The following HMGN3 variants were observed in gnomAD, a reference collection of about 807,000 sequenced individuals.
The protein encoded by HMGN3 is high mobility group nucleosomal binding domain 3.
A neutral mutation model predicts 18.8 loss-of-function variants in HMGN3; 6 were observed. The ratio of observed to expected loss-of-function variants is 0.32; its 90% CI spans 0.18 to 0.63. HMGN3 has a LOEUF of 0.63. Among genes scored for constraint, HMGN3 ranks in the 30% least tolerant of loss-of-function variants. The pLI is 0.79. For synonymous variants in HMGN3, 40 were observed against 36.5 expected (o/e 1.10, Z -0.35); for missense variants, 107 against 114.2 (o/e 0.94, Z 0.29).
intron 1 of HMGN3, among the ~76,000 whole-genome samples, chr6:79,215,294 A>T (rs1176094789): frequency 6.6e-6 from 1 of 152,232 alleles, no homozygotes; most frequent in Non-Finnish European, 1.5e-5. Context: ...ACCCTAAGCG[A>T]CTTTCATTTA....
rs767087498 is a variant in HMGN3, at chr6:79,214,965, T to C, written c.66+7A>G. On this transcript the variant is annotated splice_region_variant and intron_variant, in intron 2 of 5. Transcript: ENST00000344726. ...AATTAAATATAGGATGTCAAAGATA[T>C]ACTTACCTCCTGTTTAGTTACTTTG... The C allele has an allele frequency of 4.3e-5, 61 of 1,426,012 alleles. No individual in the cohort carries two copies. Among genetic ancestry groups the C allele is most frequent in the Non-Finnish European group, 5.5e-5 (56 of 1,025,464 alleles). 88.3% of individuals were successfully genotyped at this position (1,426,012 alleles called of 1,614,324 possible).
At chr6:79,202,216 G>A (rs575940997) in intron 5 of HMGN3, 60 bp downstream of exon 5, 1 of 1,612,578 alleles carries the variant, frequency 6.2e-7, no homozygotes, top group East Asian at 2.2e-5. Flanking sequence ...CCGGCTGAAG[G>A]ATTGAGAAAT....
chr6:79,221,770 G>A (rs1290945737), intron 1 of HMGN3, among the ~76,000 whole-genome samples: 2 of 152,086 alleles, frequency 1.3e-5, no homozygotes, highest in Non-Finnish European at 2.9e-5. Context: ...GAAGTTTAAC[G>A]CTACTGCACT....
At chr6:79,230,201 A>G (rs190260397) in intron 1 of HMGN3, among the ~76,000 whole-genome samples, 30 of 152,348 alleles carry the variant, frequency 2.0e-4, no homozygotes, top group Admixed American at 1.6e-3. Context: ...TACATATTGT[A>G]TCATTTCTTT....
intron 1 of HMGN3, among the ~76,000 whole-genome samples, chr6:79,223,096 AG>A (rs1257543324): frequency 6.6e-6 from 1 of 152,200 alleles, no homozygotes; most frequent in Non-Finnish European, 1.5e-5. Context: ...AAGGAAATAT[AG>A]GCCAGGCACA....
intron 1 of HMGN3, among the ~76,000 whole-genome samples, chr6:79,223,365 G>T (rs1777400628): frequency 6.6e-6 from 1 of 152,166 alleles, no homozygotes; most frequent in African/African-American, 2.4e-5. Flanking sequence ...CAAAAAATTA[G>T]CTGGGCCGGG....
At chr6:79,226,621 A>G (rs1464808715) in intron 1 of HMGN3, among the ~76,000 whole-genome samples, 1 of 152,236 alleles carries the variant, frequency 6.6e-6, no homozygotes, top group Non-Finnish European at 1.5e-5. Context: ...CAGGTCTGGT[A>G]CACCCAGGCA....
intron 1 of HMGN3, among the ~76,000 whole-genome samples, chr6:79,219,236 G>A (rs1777151066): frequency 6.6e-6 from 1 of 152,080 alleles, no homozygotes; most frequent in African/African-American, 2.4e-5. Flanking sequence ...CAGAGTTAAG[G>A]CAGATTACCT....
intron 1 of HMGN3, among the ~76,000 whole-genome samples, chr6:79,226,476 G>A (rs1456308563): frequency 1.3e-5 from 2 of 152,166 alleles, no homozygotes; most frequent in Non-Finnish European, 2.9e-5. Flanking sequence ...GCTGTGAGAT[G>A]AAATTGCTTC....
At chr6:79,228,491 T>C (rs1048712942) in intron 1 of HMGN3, among the ~76,000 whole-genome samples, 3 of 152,222 alleles carry the variant, frequency 2.0e-5, no homozygotes, top group Admixed American at 1.3e-4. Flanking sequence ...GGAAACTCAA[T>C]ATTGCTAAGA....
At chr6:79,234,570 GT>G in exon 1 of HMGN3, 1 of 1,611,954 alleles carries the variant, frequency 6.2e-7, no homozygotes, top group Non-Finnish European at 8.5e-7. Flanking sequence ...TAATGACTAT[GT>G]CGGTGAAGCA....
intron 1 of HMGN3, among the ~76,000 whole-genome samples, chr6:79,220,969 TA>T (rs1156615254): frequency 2.0e-5 from 3 of 152,164 alleles, no homozygotes; most frequent in Non-Finnish European, 4.4e-5. Flanking sequence ...CAATGATTTT[TA>T]AAAGACTCCA....
Position 79,231,842 on chromosome 6 carries a change from A to C in HMGN3, c.15+2704T>G, listed in dbSNP as rs929594352. ...CATTCTGGAACACATACACAGTTTT[A>C]ATGTTATTCAACTGTTTTGTGCTGC... On this transcript the variant is annotated intron_variant, in intron 1 of 5. Coordinates refer to ENST00000344726, the Ensembl canonical transcript of HMGN3. 2.0e-5 allele frequency among the ~76,000 whole-genome samples: 3 copies of C among 152,200 alleles called. No individual in the cohort carries two copies. The South Asian group carries it at 6.2e-4, about 31-fold the overall frequency.
chr6:79,221,688 C>T (rs1265318976), intron 1 of HMGN3, among the ~76,000 whole-genome samples: 12 of 152,212 alleles, frequency 7.9e-5, no homozygotes, highest in East Asian at 3.9e-4. Context: ...TGCTTAGGAA[C>T]GGCTTTAGAT....
intron 3 of HMGN3, among the ~76,000 whole-genome samples, chr6:79,208,301 A>G (rs987309994): frequency 6.6e-6 from 1 of 152,208 alleles, no homozygotes; most frequent in African/African-American, 2.4e-5. Flanking sequence ...AGATCTAGCA[A>G]TGTCAAACAA....
At chr6:79,223,300 G>A (rs1457280163) in intron 1 of HMGN3, among the ~76,000 whole-genome samples, 1 of 152,034 alleles carries the variant, frequency 6.6e-6, no homozygotes, top group African/African-American at 2.4e-5. Context: ...TCATGAGGTC[G>A]GGAGATGGAG....
intron 1 of HMGN3, among the ~76,000 whole-genome samples, chr6:79,223,807 G>A (rs1016261613): frequency 2.7e-5 from 4 of 150,782 alleles, no homozygotes; most frequent in African/African-American, 9.8e-5. Flanking sequence ...GGCTCAATCA[G>A]AAGCCTGAAT....
intron 1 of HMGN3, among the ~76,000 whole-genome samples, chr6:79,227,128 A>T (rs1777599673): frequency 6.6e-6 from 1 of 152,238 alleles, no homozygotes; most frequent in Admixed American, 6.5e-5. Context: ...TGTACCCTGC[A>T]GGAAAGTGGA....
chr6:79,207,913 T>C (rs1273434048), intron 3 of HMGN3, among the ~76,000 whole-genome samples: 1 of 152,186 alleles, frequency 6.6e-6, no homozygotes, highest in Non-Finnish European at 1.5e-5. Flanking sequence ...AGAGTCCAGC[T>C]AATCTCTCAG....
Sources: allele counts gnomAD v4.1 joint callset (sites outside exome capture counted in the v4.1 genomes callset), GRCh38; gene constraint gnomAD v4.1.1; transcripts MANE v1.5; gene names NCBI Gene and HGNC (gene_info 2026-07-23, HGNC 2026-07-21).